The following SLIT3 variants were observed in gnomAD, a reference collection of about 807,000 sequenced individuals.
The protein encoded by SLIT3 is slit homolog 3 protein.
SLIT3 carries 68 observed loss-of-function variants against 184.0 expected under a neutral mutation model. The ratio of observed to expected loss-of-function variants is 0.37; its 90% CI spans 0.30 to 0.45. SLIT3 has a LOEUF of 0.45. Ranked by LOEUF, SLIT3 falls within the 20% of genes least tolerant of loss-of-function variation. SLIT3 has a pLI of 1.00. For synonymous variants in SLIT3, 831 were observed against 828.6 expected (o/e 1.00, Z -0.05); for missense variants, 1,707 against 2,026.0 (o/e 0.84, Z 3.02).
chr5:168,926,405 C>T (rs765285477), intron 4 of SLIT3, among the ~76,000 whole-genome samples: 13 of 152,132 alleles, frequency 8.5e-5, no homozygotes, highest in Non-Finnish European at 1.6e-4. Flanking sequence ...TGCAGTTTTT[C>T]GGGAGTGAGT....
At chr5:168,770,654 T>A (rs2337556) in intron 14 of SLIT3, among the ~76,000 whole-genome samples, 3 of 151,184 alleles carry the variant, frequency 2.0e-5, no homozygotes, top group Non-Finnish European at 4.4e-5. Context: ...TCGCTTAGCA[T>A]TGTTTTTTTT....
chr5:168,752,749 T>G lies in SLIT3; in HGVS notation c.1973+206A>C, dbSNP rs1754759591. The G allele has an allele frequency of 1.2e-5, 7 of 574,844 alleles. No homozygotes were observed. The South Asian group carries it at 1.3e-4, about 11-fold the overall frequency. The allele number at this position is 574,844 out of a possible 1,614,324, so 35.6% of individuals were successfully genotyped here. ...ACATGCTTTCTGTGGCAATTCACTA[T>G]GCTGTGAGTTCCAGGAAGGAGGGGC... On this transcript the variant is annotated intron_variant, in intron 18 of 35. Coordinates refer to ENST00000519560, the MANE Select transcript of SLIT3 (RefSeq NM_003062.4).
At chr5:169,022,218 G>A (rs536195984) in intron 4 of SLIT3, 1 of 152,364 alleles carries the variant, frequency 6.6e-6, no homozygotes, top group African/African-American at 2.4e-5. Flanking sequence ...GAGCCGCTGA[G>A]GAGCAAGGCA....
intron 5 of SLIT3, among the ~76,000 whole-genome samples, chr5:168,852,324 A>G (rs971254219): frequency 5.3e-5 from 8 of 152,186 alleles, no homozygotes; most frequent in African/African-American, 1.4e-4. Flanking sequence ...AACTGTAGTG[A>G]GGTAGTTTTT....
chr5:169,130,647 G>A (rs1434266140), intron 4 of SLIT3, among the ~76,000 whole-genome samples: 2 of 152,076 alleles, frequency 1.3e-5, no homozygotes, highest in Non-Finnish European at 2.9e-5. Flanking sequence ...TGTTACATGA[G>A]CAAATATATG....
At chr5:169,138,607 TTA>T (rs1484239542) in intron 4 of SLIT3, among the ~76,000 whole-genome samples, 1 of 152,206 alleles carries the variant, frequency 6.6e-6, no homozygotes, top group Non-Finnish European at 1.5e-5. Flanking sequence ...CAGAAAATGC[TTA>T]TGTCAGAGCC....
intron 9 of SLIT3, among the ~76,000 whole-genome samples, chr5:168,799,297 T>C (rs1211107182): frequency 1.3e-5 from 2 of 152,252 alleles, no homozygotes; most frequent in Non-Finnish European, 2.9e-5. Flanking sequence ...CATTTAGGGA[T>C]GTGTCTGAAG....
intron 4 of SLIT3, among the ~76,000 whole-genome samples, chr5:169,073,097 G>A (rs981869594): frequency 6.6e-6 from 1 of 152,154 alleles, no homozygotes; most frequent in African/African-American, 2.4e-5. Context: ...GATCCTTCAG[G>A]TCCCTTGTGA....
In SLIT3 at chr5:168,683,783, A is replaced by C. The variant is rs111998101; in HGVS notation, c.3686+183T>G. ...GCCTTCCTCTGCCTCTTCCTCTGAC[A>C]CGCCTTTCTCCCTCCCACTCACCAC... On this transcript the variant is annotated intron_variant, in intron 32 of 35. Transcript: ENST00000519560. 8.0e-3 allele frequency among the ~76,000 whole-genome samples: 1,219 copies of C among 152,034 alleles called. 1 individual carries two copies. Among genetic ancestry groups the C allele is most frequent in the Middle Eastern group, 0.02 (6 of 294 alleles).
At chr5:168,954,179 G>C (rs940134714) in intron 4 of SLIT3, among the ~76,000 whole-genome samples, 4 of 151,998 alleles carry the variant, frequency 2.6e-5, no homozygotes, top group African/African-American at 9.7e-5. Flanking sequence ...TTTGACCTTG[G>C]GCAGGTTACT....
chr5:168,766,522 C>G (rs1261130973), intron 14 of SLIT3, among the ~76,000 whole-genome samples: 2 of 152,238 alleles, frequency 1.3e-5, no homozygotes, highest in Admixed American at 1.3e-4. Flanking sequence ...AGGGAGCCGT[C>G]CTAGTAAGCT....
At chr5:169,235,793 T>A (rs1301732555) in intron 3 of SLIT3, among the ~76,000 whole-genome samples, 1 of 152,232 alleles carries the variant, frequency 6.6e-6, no homozygotes, top group Non-Finnish European at 1.5e-5. Context: ...ACTGAGATGA[T>A]GGGTTTCGGG....
At chr5:168,785,314 C>G (rs1756115800) in intron 12 of SLIT3, among the ~76,000 whole-genome samples, 3 of 152,216 alleles carry the variant, frequency 2.0e-5, no homozygotes, top group Non-Finnish European at 4.4e-5. Flanking sequence ...CATTTAAGCT[C>G]AAATGACCAG....
At chr5:169,293,496 CT>C (rs1248338477) in intron 1 of SLIT3, among the ~76,000 whole-genome samples, 1 of 152,126 alleles carries the variant, frequency 6.6e-6, no homozygotes, top group Admixed American at 6.5e-5. Flanking sequence ...GATAGGAGGT[CT>C]ACACTCAGTA....
At chr5:168,710,823 C>A in intron 25 of SLIT3, 72 bp downstream of exon 25, 1 of 1,311,490 alleles carries the variant, frequency 7.6e-7, no homozygotes, top group Non-Finnish European at 1.0e-6. Context: ...AGATACCCTG[C>A]TCTGACAGGT....
At chr5:168,840,620 T>A (rs1182984185) in intron 6 of SLIT3, among the ~76,000 whole-genome samples, 2 of 152,174 alleles carry the variant, frequency 1.3e-5, no homozygotes, top group African/African-American at 4.8e-5. Flanking sequence ...CATATTCAAC[T>A]GCAGTATAAG....
intron 11 of SLIT3, among the ~76,000 whole-genome samples, chr5:168,786,320 G>A (rs1375676574): frequency 6.6e-6 from 1 of 152,204 alleles, no homozygotes; most frequent in Non-Finnish European, 1.5e-5. Flanking sequence ...AATACACTGT[G>A]TGGGAGACTG....
At chr5:169,023,132 A>T (rs747435107) in intron 4 of SLIT3, among the ~76,000 whole-genome samples, 15 of 152,136 alleles carry the variant, frequency 9.9e-5, no homozygotes, top group Non-Finnish European at 1.8e-4. Context: ...CCATATTTTC[A>T]TCATTTTGGA....
intron 4 of SLIT3, among the ~76,000 whole-genome samples, chr5:168,924,920 A>G (rs143399120): frequency 9.8e-5 from 15 of 152,322 alleles, no homozygotes; most frequent in African/African-American, 3.4e-4. Flanking sequence ...GAAAGAACGC[A>G]TCCCTGAGAT....
Sources: gnomAD v4.1 joint callset for allele counts (sites outside exome capture counted in the v4.1 genomes callset) on GRCh38, gnomAD v4.1.1 for gene constraint, MANE v1.5 for transcripts, NCBI Gene and HGNC (gene_info 2026-07-23, HGNC 2026-07-21) for gene names.